CNIH2: variants seen among roughly 807,000 people sequenced by gnomAD.
The protein encoded by CNIH2 is cornichon family AMPA receptor auxiliary protein 2.
CNIH2 carries 8 observed loss-of-function variants against 22.9 expected under a neutral mutation model. The ratio of observed to expected loss-of-function variants is 0.35; its 90% CI spans 0.20 to 0.63. The LOEUF (loss-of-function observed/expected upper bound fraction) is 0.63. CNIH2 is among the 30% of genes least tolerant of loss of function. The pLI is 0.72. For missense variants in CNIH2, 105 were observed against 206.2 expected, an observed-to-expected ratio of 0.51 and a Z score of 3.01; for synonymous variants, 74 against 78.2, an observed-to-expected ratio of 0.95 and a Z score of 0.28.
chr11:66,282,301 A>T lies in CNIH2; in HGVS notation c.124A>T (p.Ile42Phe). The T allele has an allele frequency of 1.2e-6, 2 of 1,612,976 alleles. No individual in the cohort carries two copies. Among genetic ancestry groups the T allele is most frequent in the Middle Eastern group, 1.7e-4 (1 of 6,058 alleles). Residue 42 changes from isoleucine to phenylalanine, a missense_variant, in exon 2 of 6, where the codon ATC (isoleucine) becomes TTC (phenylalanine). By Grantham distance (21) the Ile-to-Phe change is conservative. Coordinates refer to ENST00000311445, the MANE Select transcript of CNIH2 (RefSeq NM_182553.3). Reference protein sequence around the residue: ...DELRTDFKNPIDQGNPARARE... With the variant: ...DELRTDFKNPFDQGNPARARE... ...GCTGCGGACCGACTTCAAGAACCCCATCGACCAGGGGAACCCTGCGCGGGC... is the reference window on the plus strand; with the variant it reads ...GCTGCGGACCGACTTCAAGAACCCCTTCGACCAGGGGAACCCTGCGCGGGC...
chr11:66,278,562 T>A, intron 1 of CNIH2, 25 bp downstream of exon 1: 1 of 181,652 alleles, frequency 5.5e-6, no homozygotes, highest in Non-Finnish European at 1.1e-5. Context: ...GGGCTGGGGC[T>A]GGGGGCGGGG....
chr11:66,282,930 G>A, intron 3 of CNIH2, 105 bp from the exon 4 acceptor site: 2 of 1,344,282 alleles, frequency 1.5e-6, no homozygotes, highest in East Asian at 2.3e-5. Context: ...AATCCCCAGA[G>A]GTCACGGTGG....
At chr11:66,283,526 C>CTG (rs759506682) in intron 5 of CNIH2, 44 bp from the exon 6 acceptor site, 6 of 1,605,628 alleles carry the variant, frequency 3.7e-6, no homozygotes, top group Non-Finnish European at 5.1e-6. Context: ...ATCTGGGTGG[C>CTG]TGTGTGTGTG....
At chr11:66,280,249 C>T (rs749016524) in intron 1 of CNIH2, among the ~76,000 whole-genome samples, 1 of 152,202 alleles carries the variant, frequency 6.6e-6, no homozygotes, top group Non-Finnish European at 1.5e-5. Context: ...GGAGGAAAGG[C>T]CCAAGCTTTG....
intron 1 of CNIH2, chr11:66,281,384 A>G (rs1285689815): frequency 2.2e-6 from 1 of 456,316 alleles, no homozygotes; most frequent in Non-Finnish European, 4.4e-6. Flanking sequence ...AAGGTTGTTA[A>G]GAATTAAATG....
chr11:66,283,599 G>A lies in CNIH2; in HGVS notation c.*2G>A. On this transcript the variant is annotated 3_prime_UTR_variant, in exon 6 of 6. Transcript: ENST00000311445. Reference sequence around the variant, plus strand: ...GTTTATACGTTGGTGAGTTTCTAAGGGGGAAGCCGGCCAGGGAGCGAGCCC... The same window carrying A: ...GTTTATACGTTGGTGAGTTTCTAAGAGGGAAGCCGGCCAGGGAGCGAGCCC... 3 of 1,572,882 alleles carry A rather than the reference G, an allele frequency of 1.9e-6. No individual in the cohort carries two copies. The highest frequency in any genetic ancestry group is 2.6e-6 in the Non-Finnish European group (3 of 1,158,308).
Position 66,283,316 on chromosome 11 carries a change from T to C in CNIH2, c.380T>C (p.Ile127Thr). The C allele has an allele frequency of 6.2e-7, 1 of 1,614,156 alleles. No homozygotes were observed. Among genetic ancestry groups the C allele is most frequent in the Non-Finnish European group, 8.5e-7 (1 of 1,180,000 alleles). The change falls in exon 5 of 6, where the codon ATT becomes ACT. Residue 127 changes from isoleucine to threonine, a missense_variant. Transcript: ENST00000311445. ...YDAVSIMNAD[I>T]LNYCQKESWC... Reference sequence around the variant, plus strand: ...GCGGTCTCCATCATGAATGCTGACATTCTCAACTACTGCCAGAAGGAGTCC... The same window carrying C: ...GCGGTCTCCATCATGAATGCTGACACTCTCAACTACTGCCAGAAGGAGTCC...
intron 1 of CNIH2, among the ~76,000 whole-genome samples, chr11:66,280,739 CT>C (rs1857247918): frequency 6.6e-6 from 1 of 152,130 alleles, no homozygotes; most frequent in Non-Finnish European, 1.5e-5. Flanking sequence ...CCAAGTGGCG[CT>C]GCCCAGAGTC....
Position 66,282,219 on chromosome 11 carries a change from C to T in CNIH2, c.82-40C>T, listed in dbSNP as rs764061061. 5.8e-6 allele frequency: 9 copies of T among 1,562,542 alleles called. No homozygotes were observed. In the South Asian group the frequency reaches 1.0e-4, roughly 17 times the overall value. On this transcript the variant is annotated intron_variant, in intron 1 of 5. Transcript: ENST00000311445. ...GAAGGACTTGGGGGAAGGCCATAAGCTGCTGCCCCAACCCTGACGGGCACA... is the reference window on the plus strand; with the variant it reads ...GAAGGACTTGGGGGAAGGCCATAAGTTGCTGCCCCAACCCTGACGGGCACA...
intron 1 of CNIH2, among the ~76,000 whole-genome samples, chr11:66,281,837 G>T (rs535589220): frequency 3.3e-4 from 50 of 151,808 alleles, no homozygotes; most frequent in Non-Finnish European, 5.9e-4. Context: ...CCCCACACAG[G>T]GTTAAGCGCC....
At chr11:66,282,429 G>GGC in intron 2 of CNIH2, 102 bp downstream of exon 2, 32 of 479,288 alleles carry the variant, frequency 6.7e-5, no homozygotes, top group Non-Finnish European at 1.0e-4. Flanking sequence ...GGGGTGGGGG[G>GGC]CCTACGGCCA....
chr11:66,282,937 G>A (rs1857285695), intron 3 of CNIH2, 98 bp from the exon 4 acceptor site: 2 of 1,358,960 alleles, frequency 1.5e-6, no homozygotes, highest in Non-Finnish European at 2.1e-6. Context: ...AGAGGTCACG[G>A]TGGGTGGGCA....
intron 2 of CNIH2, 80 bp downstream of exon 2, chr11:66,282,407 G>GGGGGGGGGA: frequency 5.7e-6 from 1 of 175,504 alleles, no homozygotes; most frequent in Non-Finnish European, 1.1e-5. Flanking sequence ...TGGGAGACGG[G>GGGGGGGGGA]AAGACGGGGG....
chr11:66,282,714 C>T lies in CNIH2; in HGVS notation c.151-19C>T, dbSNP rs1356417115. The stretch of plus-strand genomic sequence containing the variant: ...TGCTTCTCCGCCACCCCATCGCGGC[C>T]TTTTCCTTCCCCCAACAGCGCGAGC... On this transcript the variant is annotated intron_variant, in intron 2 of 5. Transcript: ENST00000311445. 1 of 1,613,708 alleles carries T rather than the reference C, an allele frequency of 6.2e-7. No homozygotes were observed. Among genetic ancestry groups the T allele is most frequent in the Non-Finnish European group, 8.5e-7 (1 of 1,179,948 alleles).
intron 1 of CNIH2, among the ~76,000 whole-genome samples, chr11:66,280,876 A>C (rs1180500207): frequency 1.3e-5 from 2 of 151,904 alleles, no homozygotes; most frequent in Admixed American, 1.3e-4. Context: ...CTGCTGCCTC[A>C]TCCTAGGGCT....
chr11:66,282,625 C>T (rs1857277565), intron 2 of CNIH2, 108 bp from the exon 3 acceptor site: 1 of 1,341,166 alleles, frequency 7.5e-7, no homozygotes, highest in Non-Finnish European at 1.1e-6. Flanking sequence ...CCGACAGTGC[C>T]GCAGAGATCG....
At chr11:66,283,493 GC>G (rs1857295584) in intron 5 of CNIH2, 76 bp from the exon 6 acceptor site, 1 of 1,608,130 alleles carries the variant, frequency 6.2e-7, no homozygotes, top group African/African-American at 1.3e-5. Flanking sequence ...ACTGAGGGCA[GC>G]CCAGGGTGTG....
In CNIH2 at chr11:66,284,004, G is replaced by A. The variant is rs775417252; in HGVS notation, c.*407G>A. The A allele has an allele frequency of 2.5e-4, 55 of 219,980 alleles. No homozygotes were observed. The highest frequency in any genetic ancestry group is 4.4e-4 in the Non-Finnish European group (47 of 107,904). 13.6% of individuals were successfully genotyped at this position (219,980 alleles called of 1,614,324 possible). A position where few individuals can be genotyped will look rare whatever the true frequency, so the allele number is the denominator to read the frequency against. ...CTGCAGGTGGGGGGGTACCCGCACC[G>A]GGAATGAGCAGGCTCAGCAGGGGGG... On this transcript the variant is annotated 3_prime_UTR_variant, in exon 6 of 6. Transcript: ENST00000311445.
Position 66,283,446 on chromosome 11 carries a change from G to A in CNIH2, c.455+55G>A, listed in dbSNP as rs938969260. 1.1e-5 allele frequency: 18 copies of A among 1,611,548 alleles called. No homozygotes were observed. In the African/African-American group the frequency reaches 1.2e-4, roughly 11 times the overall value. On this transcript the variant is annotated intron_variant, in intron 5 of 5. Transcript: ENST00000311445. ...CAGGGAAGGGATGTCCCAGCATCAC[G>A]CTTCCAATCCCAAGTTCCTGCCTTT...
Sources: allele counts gnomAD v4.1 joint callset (sites outside exome capture counted in the v4.1 genomes callset), GRCh38; gene constraint gnomAD v4.1.1; transcripts MANE v1.5; gene names NCBI Gene and HGNC (gene_info 2026-07-23, HGNC 2026-07-21).